The following ADAMTS3 variants were observed in gnomAD, a reference collection of about 807,000 sequenced individuals.
ADAMTS3 encodes ADAM metallopeptidase with thrombospondin type 1 motif 3.
A neutral mutation model predicts 129.0 loss-of-function variants in ADAMTS3; 73 were observed. That is an observed-to-expected ratio of 0.57 (90% CI 0.47 to 0.69). ADAMTS3 has a LOEUF of 0.69. ADAMTS3 is among the 30% of genes least tolerant of loss of function. The pLI, the probability that ADAMTS3 is intolerant of heterozygous loss-of-function variation, is 0.00. For missense variants in ADAMTS3, 1,457 were observed against 1,514.5 expected (o/e 0.96, Z 0.63); for synonymous variants, 477 against 510.8 (o/e 0.93, Z 0.89).
chr4:72,382,232 TA>T (rs1484234327), intron 4 of ADAMTS3, among the ~76,000 whole-genome samples: 4 of 152,140 alleles, frequency 2.6e-5, no homozygotes, highest in African/African-American at 9.7e-5. Flanking sequence ...AGATGTTGAA[TA>T]TTTTAAAATT....
chr4:72,455,988 CTA>C (rs1242934170), intron 3 of ADAMTS3, among the ~76,000 whole-genome samples: 238 of 13,544 alleles, frequency 0.018, 73 homozygotes, highest in African/African-American at 0.033. Flanking sequence ...AGTATATATA[CTA>C]TATATATTTT....
At chr4:72,414,220 T>TTCATTTAAACAAA (rs1204797627) in intron 4 of ADAMTS3, among the ~76,000 whole-genome samples, 1 of 151,914 alleles carries the variant, frequency 6.6e-6, no homozygotes, top group Non-Finnish European at 1.5e-5. Context: ...TAAGTTACTT[T>TTCATTTAAACAAA]CAGGTTTCAT....
intron 3 of ADAMTS3, among the ~76,000 whole-genome samples, chr4:72,519,876 G>T (rs888224882): frequency 6.6e-6 from 1 of 152,186 alleles, no homozygotes; most frequent in Non-Finnish European, 1.5e-5. Context: ...TTCCATTGCT[G>T]GTGAAGAACT....
chr4:72,568,669 T>C, intron 1 of ADAMTS3, 25 bp downstream of exon 1: 1 of 1,606,002 alleles, frequency 6.2e-7, no homozygotes, highest in Non-Finnish European at 8.5e-7. Context: ...TGAGTTTTTT[T>C]TTATTGTTAT....
intron 3 of ADAMTS3, among the ~76,000 whole-genome samples, chr4:72,455,830 T>TAC (rs1329884828): frequency 2.3e-5 from 3 of 131,230 alleles, no homozygotes; most frequent in Non-Finnish European, 4.7e-5. Flanking sequence ...ATATAGTATA[T>TAC]ACAGTGTATA....
At chr4:72,426,584 A>G (rs1354556174) in intron 3 of ADAMTS3, among the ~76,000 whole-genome samples, 1 of 152,156 alleles carries the variant, frequency 6.6e-6, no homozygotes, top group Non-Finnish European at 1.5e-5. Flanking sequence ...AAACAACAAT[A>G]TAACAATAAA....
At chr4:72,467,533 C>T (rs552511698) in intron 3 of ADAMTS3, among the ~76,000 whole-genome samples, 81 of 152,064 alleles carry the variant, frequency 5.3e-4, no homozygotes, top group African/African-American at 1.5e-3. Flanking sequence ...TACATTATTT[C>T]GTCTTTATTC....
intron 3 of ADAMTS3, among the ~76,000 whole-genome samples, chr4:72,427,994 C>T (rs1182313016): frequency 6.6e-6 from 1 of 151,784 alleles, no homozygotes; most frequent in Non-Finnish European, 1.5e-5. Flanking sequence ...AATTAAGCAA[C>T]AGTTTAAGGA....
chr4:72,294,964 C>G (rs945875711), intron 19 of ADAMTS3, among the ~76,000 whole-genome samples: 1 of 151,990 alleles, frequency 6.6e-6, no homozygotes, highest in African/African-American at 2.4e-5. Flanking sequence ...ACTCTCTGTT[C>G]TCTAAGACTC....
At chr4:72,390,338 C>T (rs1283121519) in intron 4 of ADAMTS3, among the ~76,000 whole-genome samples, 1 of 152,076 alleles carries the variant, frequency 6.6e-6, no homozygotes, top group Admixed American at 6.5e-5. Context: ...GTGATGACGG[C>T]ACCAATGATG....
intron 3 of ADAMTS3, chr4:72,442,245 C>A (rs1389373872): frequency 6.6e-6 from 1 of 151,764 alleles, no homozygotes; most frequent in African/African-American, 2.4e-5. Context: ...AAGGAGCACA[C>A]AAGAGAGATG....
chr4:72,353,622 G>A (rs1039666911), intron 4 of ADAMTS3, among the ~76,000 whole-genome samples: 5 of 151,964 alleles, frequency 3.3e-5, no homozygotes, highest in African/African-American at 9.7e-5. Context: ...GCCATCTTCT[G>A]TATCATTCTG....
intron 3 of ADAMTS3, among the ~76,000 whole-genome samples, chr4:72,500,866 G>C (rs551740641): frequency 2.6e-5 from 4 of 152,232 alleles, no homozygotes; most frequent in South Asian, 2.1e-4. Context: ...TTATTAAATA[G>C]GGGGTCCTTT....
chr4:72,561,291 G>C (rs1457016304), intron 2 of ADAMTS3, among the ~76,000 whole-genome samples: 1 of 151,700 alleles, frequency 6.6e-6, no homozygotes, highest in Non-Finnish European at 1.5e-5. Context: ...AGGTTGCAGG[G>C]AGCTGAGATT....
intron 4 of ADAMTS3, among the ~76,000 whole-genome samples, chr4:72,363,217 CT>C (rs1406829227): frequency 6.6e-6 from 1 of 152,048 alleles, no homozygotes; most frequent in African/African-American, 2.4e-5. Flanking sequence ...ATATATACCG[CT>C]GATGATCCCC....
intron 3 of ADAMTS3, among the ~76,000 whole-genome samples, chr4:72,498,678 C>T (rs564330778): frequency 2.5e-4 from 38 of 151,916 alleles, no homozygotes; most frequent in African/African-American, 6.0e-4. Flanking sequence ...CGCACACACA[C>T]GTTTATTAAT....
intron 3 of ADAMTS3, among the ~76,000 whole-genome samples, chr4:72,448,837 A>AT (rs547191280): frequency 6.6e-6 from 1 of 151,646 alleles, no homozygotes; most frequent in Non-Finnish European, 1.5e-5. Context: ...AATTAATAAG[A>AT]TTTTTCTGAA....
intron 3 of ADAMTS3, among the ~76,000 whole-genome samples, chr4:72,516,394 G>A (rs1349789614): frequency 6.6e-6 from 1 of 152,106 alleles, no homozygotes; most frequent in African/African-American, 2.4e-5. Flanking sequence ...TAACTTGATG[G>A]GGATGGCACC....
intron 4 of ADAMTS3, among the ~76,000 whole-genome samples, chr4:72,370,846 C>T (rs1228161539): frequency 6.6e-6 from 1 of 151,860 alleles, no homozygotes; most frequent in East Asian, 1.9e-4. Context: ...TGACATGTGC[C>T]CCCTGAAAGA....
Sources: gnomAD v4.1 joint callset for allele counts (sites outside exome capture counted in the v4.1 genomes callset) on GRCh38, gnomAD v4.1.1 for gene constraint, MANE v1.5 for transcripts, NCBI Gene and HGNC (gene_info 2026-07-23, HGNC 2026-07-21) for gene names.